PLBD1: variants seen among roughly 807,000 people sequenced by gnomAD.
PLBD1 encodes the protein lysosomal leucine aminopeptidase.
PLBD1 carries 60 observed loss-of-function variants against 63.0 expected under a neutral mutation model. The ratio of observed to expected loss-of-function variants is 0.95; its 90% CI spans 0.77 to 1.18. The LOEUF (loss-of-function observed/expected upper bound fraction) is 1.18, where lower values mean the gene tolerates loss of function less well. Among genes scored for constraint, PLBD1 ranks in the 50% most tolerant of loss-of-function variants. PLBD1 has a pLI of 0.00. For missense variants in PLBD1, 598 were observed against 677.9 expected, an observed-to-expected ratio of 0.88 and a Z score of 1.31; for synonymous variants, 262 against 248.0, an observed-to-expected ratio of 1.06 and a Z score of -0.53.
Position 14,542,257 on chromosome 12 carries a change from G to A in PLBD1, c.370C>T (p.Gln124Ter), listed in dbSNP as rs772067217. Residue 124 changes from glutamine (Q) to a stop codon, truncating the protein, a stop_gained, in exon 3 of 11, where the codon CAG becomes TAG. Transcript: ENST00000240617. LOFTEE classifies it high-confidence loss of function. ...ATGATGGAAGGTTTCGTGATCAGCT[G>A]TGGGTAGAGGTTTGTGTAGTGGTCA... ...MNDHYTNLYP[Q>*]LITKPSIMDK... The A allele has an allele frequency of 2.5e-6, 4 of 1,610,956 alleles. No homozygotes were observed. The highest frequency in any genetic ancestry group is 3.4e-6 in the Non-Finnish European group (4 of 1,177,242).
At chr12:14,545,814 A>AT (rs987278584) in intron 2 of PLBD1, among the ~76,000 whole-genome samples, 5 of 151,344 alleles carry the variant, frequency 3.3e-5, no homozygotes, top group South Asian at 2.1e-4. Context: ...ACCTCATGAG[A>AT]TTTTTTTTTC....
At chr12:14,515,966 C>T (rs1945333317) in intron 6 of PLBD1, among the ~76,000 whole-genome samples, 2 of 151,476 alleles carry the variant, frequency 1.3e-5, no homozygotes, top group Admixed American at 6.6e-5. Context: ...CAAGAATTGC[C>T]TGAACCCAGG....
chr12:14,527,270 T>C (rs1471120328), intron 6 of PLBD1, among the ~76,000 whole-genome samples: 1 of 152,188 alleles, frequency 6.6e-6, no homozygotes, highest in African/African-American at 2.4e-5. Flanking sequence ...ATGAATATGC[T>C]AACTTTAGCT....
chr12:14,532,017 T>A (rs1565575472), intron 6 of PLBD1, among the ~76,000 whole-genome samples: 1 of 152,216 alleles, frequency 6.6e-6, no homozygotes, highest in Non-Finnish European at 1.5e-5. Flanking sequence ...AGTAAAGTTT[T>A]CATAATTTAA....
chr12:14,566,822 G>T (rs547330748), intron 1 of PLBD1, among the ~76,000 whole-genome samples: 1 of 148,838 alleles, frequency 6.7e-6, no homozygotes, highest in East Asian at 2.0e-4. Context: ...ACTGCCGGGC[G>T]CGGTGGCTCA....
rs1383275565 is a variant in PLBD1 at position 14,511,261 on chromosome 12, T to G, written c.1185A>C (p.Lys395Asn). 1 of 1,570,278 alleles carries G rather than the reference T, an allele frequency of 6.4e-7. No individual in the cohort carries two copies. Among genetic ancestry groups the G allele is most frequent in the Non-Finnish European group, 8.6e-7 (1 of 1,159,130 alleles). Reference protein sequence around the residue: ...EYSEQTDVLRKGYWPSYNVPF... With the variant: ...EYSEQTDVLRNGYWPSYNVPF... Reference sequence around the variant, plus strand: ...AGACTTACGACATGAAGAAAGTACCTTTCCGTAGAACATCAGTTTGTTCAG... The same window carrying G: ...AGACTTACGACATGAAGAAAGTACCGTTCCGTAGAACATCAGTTTGTTCAG... The change falls in exon 8 of 11, where the codon AAA (lysine) becomes AAC (asparagine). Residue 395 changes from lysine (K) to asparagine (N), a missense_variant and splice_region_variant. Lys to Asn is a moderately conservative substitution (Grantham distance 94, BLOSUM62 0). Transcript: ENST00000240617.
At chr12:14,559,359 C>T (rs1258048240) in intron 1 of PLBD1, among the ~76,000 whole-genome samples, 7 of 152,094 alleles carry the variant, frequency 4.6e-5, no homozygotes, top group South Asian at 2.1e-4. Context: ...GCTGGGGTCT[C>T]GCTCTGTTGC....
intron 2 of PLBD1, among the ~76,000 whole-genome samples, chr12:14,545,800 CTT>C (rs1945611862): frequency 6.6e-6 from 1 of 152,066 alleles, no homozygotes; most frequent in South Asian, 2.1e-4. Context: ...ATTTAATAAA[CTT>C]TACCTCATGA....
intron 1 of PLBD1, among the ~76,000 whole-genome samples, chr12:14,556,378 T>C (rs540724553): frequency 6.8e-6 from 1 of 146,734 alleles, no homozygotes; most frequent in East Asian, 2.0e-4. Context: ...ACATTTTACC[T>C]TTTTTTTTTG....
At chr12:14,538,629 G>A (rs940980038) in intron 4 of PLBD1, among the ~76,000 whole-genome samples, 2 of 152,104 alleles carry the variant, frequency 1.3e-5, no homozygotes, top group African/African-American at 4.8e-5. Context: ...AATCTTGGAC[G>A]CTTCATTTTG....
intron 1 of PLBD1, among the ~76,000 whole-genome samples, chr12:14,566,821 C>T (rs1327303098): frequency 6.7e-6 from 1 of 149,848 alleles, no homozygotes; most frequent in East Asian, 2.0e-4. Context: ...AACTGCCGGG[C>T]GCGGTGGCTC....
At chr12:14,543,676 G>C (rs1303369775) in intron 2 of PLBD1, among the ~76,000 whole-genome samples, 3 of 152,194 alleles carry the variant, frequency 2.0e-5, no homozygotes, top group African/African-American at 7.2e-5. Context: ...AGTGAGCCAA[G>C]ATCATGCCAT....
chr12:14,507,207 C>T, intron 8 of PLBD1, 89 bp from the exon 9 acceptor site: 1 of 1,042,954 alleles, frequency 9.6e-7, no homozygotes, highest in Non-Finnish European at 1.4e-6. Flanking sequence ...TATCCATGTT[C>T]ATTTATTTTG....
At chr12:14,522,939 C>T (rs1945388191) in intron 6 of PLBD1, among the ~76,000 whole-genome samples, 1 of 151,936 alleles carries the variant, frequency 6.6e-6, no homozygotes, top group South Asian at 2.1e-4. Context: ...AAAGCTTTTC[C>T]TCTAAGATCT....
At chr12:14,518,395 T>C (rs1173002690) in intron 6 of PLBD1, among the ~76,000 whole-genome samples, 6 of 152,208 alleles carry the variant, frequency 3.9e-5, no homozygotes, top group African/African-American at 1.4e-4. Context: ...ATGTTATTTA[T>C]CACAAAGGAT....
chr12:14,562,459 C>CAAA (rs58838197), intron 1 of PLBD1, among the ~76,000 whole-genome samples: 111 of 101,478 alleles, frequency 1.1e-3, no homozygotes, highest in Admixed American at 1.5e-3. Flanking sequence ...GACTCCCTCT[C>CAAA]AAAAAAAAAA....
chr12:14,562,496 G>A (rs1382843757), intron 1 of PLBD1, among the ~76,000 whole-genome samples: 2 of 148,076 alleles, frequency 1.4e-5, no homozygotes, highest in Non-Finnish European at 3.0e-5. Context: ...AACTGAACAT[G>A]ATTATGTTAT....
At chr12:14,510,085 C>T (rs1945285027) in intron 8 of PLBD1, among the ~76,000 whole-genome samples, 1 of 151,968 alleles carries the variant, frequency 6.6e-6, no homozygotes, top group South Asian at 2.1e-4. Flanking sequence ...ATTTCTGTAG[C>T]CTAATGTATA....
At chr12:14,528,942 T>C (rs896528990) in intron 6 of PLBD1, among the ~76,000 whole-genome samples, 3 of 152,196 alleles carry the variant, frequency 2.0e-5, no homozygotes, top group South Asian at 4.1e-4. Flanking sequence ...AATAGTTCTG[T>C]AGCAGTGAAA....
Sources: allele counts gnomAD v4.1 joint callset (sites outside exome capture counted in the v4.1 genomes callset), GRCh38; gene constraint gnomAD v4.1.1; transcripts MANE v1.5; gene names NCBI Gene and HGNC (gene_info 2026-07-23, HGNC 2026-07-21).